The following ITGA2B variants were observed in gnomAD, a reference collection of about 807,000 sequenced individuals.
ITGA2B encodes integrin subunit alpha 2b, also known as integrin alpha-IIb.
ITGA2B carries 91 observed loss-of-function variants against 142.0 expected under a neutral mutation model. The ratio of observed to expected loss-of-function variants is 0.64; its 90% CI spans 0.54 to 0.76. ITGA2B has a LOEUF of 0.76. Among genes scored for constraint, ITGA2B ranks in the 30% least tolerant of loss-of-function variants. The probability of loss-of-function intolerance (pLI) is 0.00; values close to 1 mark genes in which losing one functional copy is unlikely to be tolerated. For missense variants in ITGA2B, 1,231 were observed against 1,350.8 expected, an observed-to-expected ratio of 0.91 and a Z score of 1.39; for synonymous variants, 536 against 567.2, an observed-to-expected ratio of 0.94 and a Z score of 0.78.
In ITGA2B at chr17:44,374,773, G is replaced by A. The variant is rs750825702; in HGVS notation, c.2842-13C>T. 6.2e-7 allele frequency: 1 copy of A among 1,611,270 alleles called. No homozygotes were observed. The highest frequency in any genetic ancestry group is 2.2e-5 in the East Asian group (1 of 44,840). ...GATCCAGAGGCCTCTGGACAGGTTG[G>A]GGTTGAAAGCCGTTTACACCCACAA... On this transcript the variant is annotated splice_polypyrimidine_tract_variant and intron_variant, in intron 27 of 29. Transcript: ENST00000262407.
intron 20 of ITGA2B, 143 bp downstream of exon 20, chr17:44,378,219 C>T (rs1458692497): frequency 1.1e-5 from 12 of 1,142,266 alleles, no homozygotes; most frequent in African/African-American, 1.6e-5. Flanking sequence ...AAGTATTCCT[C>T]CTCCAAATTA....
intron 13 of ITGA2B, 35 bp from the exon 14 acceptor site, chr17:44,380,680 T>A: frequency 6.2e-7 from 1 of 1,614,072 alleles, no homozygotes; most frequent in Non-Finnish European, 8.5e-7. Flanking sequence ...GAATTGGCGA[T>A]TAGGGCATGG....
rs774501367 is a variant in ITGA2B at position 44,383,628 on chromosome 17, C to T, written c.1075G>A (p.Val359Met). ...ADRKLAEVGR[V>M]YLFLQPRGPH... ...CCTCGCGGCTGCAGGAACAAATACA[C>T]ACGCCCCACTTCGGCCAGTTTTCGG... The change falls in exon 12 of 30, where the codon GTG (valine) becomes ATG (methionine). Residue 359 changes from valine (V) to methionine (M), a missense_variant. Physicochemically the swap from Val to Met is conservative, Grantham distance 21. This residue lies in a region of ITGA2B where 908 missense variants were observed against 1,021.1 expected (regional missense o/e 0.89). Transcript: ENST00000262407. 3 of 1,605,702 alleles carry T rather than the reference C, an allele frequency of 1.9e-6. No homozygotes were observed. The highest frequency in any genetic ancestry group is 1.3e-5 in the African/African-American group (1 of 74,840).
At chr17:44,373,908 T>G in intron 29 of ITGA2B, 1 of 179,682 alleles carries the variant, frequency 5.6e-6, no homozygotes, top group African/African-American at 3.2e-5. Flanking sequence ...ACATTCTATT[T>G]TTTTCTTTTT....
chr17:44,374,048 G>A (rs2048518004), intron 29 of ITGA2B: 1 of 376,016 alleles, frequency 2.7e-6, no homozygotes, highest in African/African-American at 2.1e-5. Flanking sequence ...TGAGATTACA[G>A]GCATGTGTCA....
At chr17:44,387,113 A>C (rs1450530383) in intron 1 of ITGA2B, among the ~76,000 whole-genome samples, 1 of 152,066 alleles carries the variant, frequency 6.6e-6, no homozygotes, top group Non-Finnish European at 1.5e-5. Context: ...TGGGATCACT[A>C]CTTATAGGAG....
rs754562766 is a variant in ITGA2B at position 44,376,196 on chromosome 17, C to G, written c.2349-12G>C. The G allele has an allele frequency of 6.2e-7, 1 of 1,614,152 alleles. No individual in the cohort carries two copies. The highest frequency in any genetic ancestry group is 8.5e-7 in the Non-Finnish European group (1 of 1,180,006). Reference sequence around the variant, plus strand: ...CTGGAAAGGAGTTCCTGCAGGTGCCCAAGACCCCCAGAGAGAGTGTGATGC... The same window carrying G: ...CTGGAAAGGAGTTCCTGCAGGTGCCGAAGACCCCCAGAGAGAGTGTGATGC... On this transcript the variant is annotated splice_polypyrimidine_tract_variant and intron_variant, in intron 23 of 29. Coordinates refer to ENST00000262407, the MANE Select transcript of ITGA2B (RefSeq NM_000419.5).
At chr17:44,388,825 T>TA (rs1226565379) in intron 1 of ITGA2B, among the ~76,000 whole-genome samples, 1 of 148,436 alleles carries the variant, frequency 6.7e-6, no homozygotes, top group African/African-American at 2.5e-5. Context: ...TCTCTTTTTT[T>TA]TTTTTTTTTT....
chr17:44,380,735 C>T, intron 13 of ITGA2B, 90 bp from the exon 14 acceptor site: 1 of 1,588,526 alleles, frequency 6.3e-7, no homozygotes, highest in Non-Finnish European at 8.6e-7. Flanking sequence ...CCACCTCCCC[C>T]ACTGGAGGTT....
At chr17:44,377,613 T>A in intron 21 of ITGA2B, 85 bp downstream of exon 21, 1 of 978,106 alleles carries the variant, frequency 1.0e-6, no homozygotes, top group Non-Finnish European at 1.6e-6. Flanking sequence ...GGCCCAGAAC[T>A]ATGTGGCTCT....
chr17:44,385,716 C>A lies in ITGA2B; in HGVS notation c.409G>T (p.Ala137Ser). ...SVVSWSDVIV[A>S]CAPWQHWNVL... ...TTCCAGTGCTGCCAGGGGGCGCAGGCCTGGAGAAAGGCCACAGGAGTGGGG... is the reference window on the plus strand; with the variant it reads ...TTCCAGTGCTGCCAGGGGGCGCAGGACTGGAGAAAGGCCACAGGAGTGGGG... Residue 137 changes from alanine (A) to serine (S), a missense_variant and splice_region_variant, in exon 4 of 30, where the codon GCC (alanine) becomes TCC (serine). By Grantham distance (99) the Ala-to-Ser change is moderately conservative. Around this residue, in one of 3 missense-constraint regions of ITGA2B, gnomAD observed 318 missense variants for 312.2 expected, o/e 1.02. Transcript: ENST00000262407. 1 of 1,613,616 alleles carries A rather than the reference C, an allele frequency of 6.2e-7. No individual in the cohort carries two copies. Among genetic ancestry groups the A allele is most frequent in the Non-Finnish European group, 8.5e-7 (1 of 1,179,994 alleles).
Position 44,377,104 on chromosome 17 carries a change from G to T in ITGA2B, c.2188-16C>A. On this transcript the variant is annotated splice_polypyrimidine_tract_variant and intron_variant, in intron 21 of 29. Transcript: ENST00000262407. ...CGATTCCTATCTGGGAGATGAGGAG[G>T]GCCAAGGTCACTGCCCAAGTGCCCC... The T allele has an allele frequency of 6.4e-7, 1 of 1,556,742 alleles. No individual in the cohort carries two copies.
In ITGA2B at chr17:44,386,056, G is replaced by A. The variant is rs1358714474; in HGVS notation, c.264C>T (p.Pro88=). 6.2e-7 allele frequency: 1 copy of A among 1,612,602 alleles called. No individual in the cohort carries two copies. The highest frequency in any genetic ancestry group is 1.3e-5 in the African/African-American group (1 of 74,902). The change falls in exon 2 of 30, where the codon CCC becomes CCT. Residue 88 remains proline (P), a synonymous_variant. Coordinates refer to ENST00000262407, the MANE Select transcript of ITGA2B (RefSeq NM_000419.5). Reference sequence around the variant, plus strand: ...GGCACTGGCCGCCCTCGGCCCTCCAGGGGCACAGGAACACGCCGCCCGTCT... The same window carrying A: ...GGCACTGGCCGCCCTCGGCCCTCCAAGGGCACAGGAACACGCCGCCCGTCT... ...QEETGGVFLC[P]WRAEGGQCPS... is the part of the protein sequence containing the mutation.
Position 44,372,253 on chromosome 17 carries a change from A to G in ITGA2B, c.*111T>C. The stretch of plus-strand genomic sequence containing the variant: ...CTCTGTTGGGAGGGAAACGACACCA[A>G]GAGGACCCAATGGAACAGCTCCAAC... On this transcript the variant is annotated 3_prime_UTR_variant, in exon 30 of 30. Coordinates refer to ENST00000262407, the MANE Select transcript of ITGA2B (RefSeq NM_000419.5). 9.2e-7 allele frequency: 1 copy of G among 1,084,600 alleles called. No homozygotes were observed. Among genetic ancestry groups the G allele is most frequent in the Non-Finnish European group, 1.4e-6 (1 of 709,848 alleles). The allele number at this position is 1,084,600 out of a possible 1,614,324, so 67.2% of individuals were successfully genotyped here.
At chr17:44,384,731 G>T in intron 7 of ITGA2B, 146 bp from the exon 8 acceptor site, 1 of 1,251,372 alleles carries the variant, frequency 8.0e-7, no homozygotes, top group Non-Finnish European at 1.2e-6. Flanking sequence ...GCCAAGCCCT[G>T]CCCCAGGCTG....
rs2048558215 is a variant in ITGA2B, at chr17:44,377,779, T to C, written c.2106A>G (p.Arg702=). 1.2e-6 allele frequency: 2 copies of C among 1,612,066 alleles called. No homozygotes were observed. The highest frequency in any genetic ancestry group is 2.2e-5 in the South Asian group (2 of 91,038). ...RALSNVEGFE[R]LICNQKKENE... ...TCTCCTTCTTCTGATTACAGATGAG[T>C]CTCTCAAAGCCCTTCAGGAAGGCAG... is the stretch of plus-strand genomic sequence containing the variant. The change falls in exon 21 of 30, where the codon AGA becomes AGG. Residue 702 remains arginine, a synonymous_variant. Transcript: ENST00000262407.
At chr17:44,380,193 G>A (rs1323116257) in intron 16 of ITGA2B, 40 bp from the exon 17 acceptor site, 1 of 1,614,024 alleles carries the variant, frequency 6.2e-7, no homozygotes, top group South Asian at 1.1e-5. Context: ...TCCCTGGCCA[G>A]CCTCCGGGGG....
chr17:44,387,826 CAAAAAAAAAAAAAAAA>C (rs980395817), intron 1 of ITGA2B, among the ~76,000 whole-genome samples: 4 of 24,580 alleles, frequency 1.6e-4, no homozygotes, highest in South Asian at 5.0e-3. Context: ...AACCCCATCT[CAAAAAAAAAAAAAAAA>C]AAAAAAAAAA....
chr17:44,383,878 G>T lies in ITGA2B; in HGVS notation c.998+16C>A. ...TGGGACCCAACTGGGTAGGGGTGGGGCATGTCCCTCCTCACCCATCCCCGT... is the reference window on the plus strand; with the variant it reads ...TGGGACCCAACTGGGTAGGGGTGGGTCATGTCCCTCCTCACCCATCCCCGT... On this transcript the variant is annotated intron_variant, in intron 11 of 29. Coordinates refer to ENST00000262407, the MANE Select transcript of ITGA2B (RefSeq NM_000419.5). The T allele has an allele frequency of 6.2e-7, 1 of 1,612,770 alleles. No individual in the cohort carries two copies. Among genetic ancestry groups the T allele is most frequent in the Non-Finnish European group, 8.5e-7 (1 of 1,179,752 alleles).
Sources: allele counts gnomAD v4.1 joint callset (sites outside exome capture counted in the v4.1 genomes callset), GRCh38; gene constraint gnomAD v4.1.1; regional missense constraint gnomAD v4.1.1; transcripts MANE v1.5; gene names NCBI Gene and HGNC (gene_info 2026-07-23, HGNC 2026-07-21).